The following DUSP10 variants were observed in gnomAD, a reference collection of about 807,000 sequenced individuals.
DUSP10 encodes dual specificity protein phosphatase 10.
DUSP10 carries 14 observed loss-of-function variants against 30.8 expected under a neutral mutation model. The observed-to-expected ratio is 0.46, with a 90% CI of 0.30 to 0.71. The LOEUF (loss-of-function observed/expected upper bound fraction) is 0.71. DUSP10 is among the 30% of genes least tolerant of loss of function. The pLI, the probability that DUSP10 is intolerant of heterozygous loss-of-function variation, is 0.08. For missense variants in DUSP10, 550 were observed against 619.4 expected, an observed-to-expected ratio of 0.89 and a Z score of 1.19; for synonymous variants, 254 against 250.4, an observed-to-expected ratio of 1.01 and a Z score of -0.14.
chr1:221,722,270 CT>C (rs1437726985), intron 2 of DUSP10, among the ~76,000 whole-genome samples: 1 of 152,194 alleles, frequency 6.6e-6, no homozygotes, highest in South Asian at 2.1e-4. Flanking sequence ...CTTGAAGCCT[CT>C]GGTATTCTGG....
In DUSP10 at chr1:221,702,499, C is replaced by T. The variant is rs1341390974; in HGVS notation, c.1362G>A (p.Gln454=). ...IISPNLNFMG[Q]LLEFEEDLNN... ...TTAGGTCTTCCTCGAACTCTAGCAACTGCCCCATGAAGTTAAGGTTTGGGG... is the reference window on the plus strand; with the variant it reads ...TTAGGTCTTCCTCGAACTCTAGCAATTGCCCCATGAAGTTAAGGTTTGGGG... Residue 454 remains glutamine, a synonymous_variant, in exon 4 of 4, where the codon CAG becomes CAA. Coordinates refer to ENST00000366899, the MANE Select transcript of DUSP10 (RefSeq NM_007207.6). This position sits in a 1 kb window ranked among gnomAD's most constrained non-coding sequence, Gnocchi z 4.5. The T allele has an allele frequency of 6.2e-7, 1 of 1,614,202 alleles. No individual in the cohort carries two copies. The highest frequency in any genetic ancestry group is 8.5e-7 in the Non-Finnish European group (1 of 1,180,042).
chr1:221,729,195 G>A (rs916659106), intron 2 of DUSP10, among the ~76,000 whole-genome samples: 2 of 152,202 alleles, frequency 1.3e-5, no homozygotes, highest in Admixed American at 1.3e-4. Context: ...AAACTGTCAT[G>A]ACCAAAATTT....
At chr1:221,737,585 CA>C (rs376440956) in intron 2 of DUSP10, 731 of 481,126 alleles carry the variant, frequency 1.5e-3, no homozygotes, top group Middle Eastern at 3.2e-3. Context: ...TCTCTACATA[CA>C]ATTCTTTCAT....
intron 2 of DUSP10, among the ~76,000 whole-genome samples, chr1:221,735,143 CT>C (rs774014411): frequency 2.6e-5 from 4 of 152,216 alleles, no homozygotes; most frequent in Non-Finnish European, 4.4e-5. Flanking sequence ...ATGGATCATC[CT>C]TTTAAACCAT....
intron 2 of DUSP10, among the ~76,000 whole-genome samples, chr1:221,717,619 A>C (rs1661147148): frequency 6.6e-6 from 1 of 152,112 alleles, no homozygotes; most frequent in South Asian, 2.1e-4. Flanking sequence ...AAACACACAC[A>C]CAAATTCGTA....
At chr1:221,703,966 A>G (rs370045820) in intron 3 of DUSP10, among the ~76,000 whole-genome samples, 103 of 152,334 alleles carry the variant, frequency 6.8e-4, no homozygotes, top group African/African-American at 2.3e-3. Flanking sequence ...CTCTTTTTCA[A>G]CTTTTTCCCT....
chr1:221,734,112 T>G (rs1661695340), intron 2 of DUSP10, among the ~76,000 whole-genome samples: 2 of 152,138 alleles, frequency 1.3e-5, no homozygotes, highest in African/African-American at 4.8e-5. Context: ...CATCTACCCT[T>G]TTATAGTCAG....
At chr1:221,703,835 A>T (rs1660680917) in intron 3 of DUSP10, among the ~76,000 whole-genome samples, 1 of 152,202 alleles carries the variant, frequency 6.6e-6, no homozygotes, top group Non-Finnish European at 1.5e-5. Flanking sequence ...CCTAAACTAC[A>T]TCTACTGGCT....
intron 2 of DUSP10, among the ~76,000 whole-genome samples, chr1:221,729,439 T>C (rs887025900): frequency 6.6e-6 from 1 of 152,184 alleles, no homozygotes. Context: ...TGAAAAGAAT[T>C]TGGGCTTTGA....
At chr1:221,705,599 AC>A (rs1375124003) in intron 3 of DUSP10, among the ~76,000 whole-genome samples, 1 of 152,126 alleles carries the variant, frequency 6.6e-6, no homozygotes, top group East Asian at 1.9e-4. Flanking sequence ...GTCAAAGGAA[AC>A]CTAGTACCAT....
intron 2 of DUSP10, among the ~76,000 whole-genome samples, chr1:221,731,905 C>A (rs114741011): frequency 0.029 from 4,367 of 151,968 alleles, 205 homozygotes; most frequent in African/African-American, 0.098. Context: ...CCACACCCGG[C>A]TGGCTATTTC....
At chr1:221,713,731 T>G (rs1661013085) in intron 2 of DUSP10, among the ~76,000 whole-genome samples, 1 of 152,206 alleles carries the variant, frequency 6.6e-6, no homozygotes. Context: ...TTTAATAGAA[T>G]TTAGGTCCTT....
In DUSP10 at chr1:221,705,970, C is replaced by G. The variant is rs1261677714; in HGVS notation, c.1183+125G>C. ...GCTTAGGCTGTTTCAGGTGGCAGAGCCCTCCAAAACTCCAGGGCAGCTTTT... is the reference window on the plus strand; with the variant it reads ...GCTTAGGCTGTTTCAGGTGGCAGAGGCCTCCAAAACTCCAGGGCAGCTTTT... On this transcript the variant is annotated intron_variant, in intron 3 of 3. Transcript: ENST00000366899. 5.3e-6 allele frequency: 7 copies of G among 1,327,738 alleles called. No homozygotes were observed. In the East Asian group the frequency reaches 1.6e-4, roughly 31 times the overall value. The allele number at this position is 1,327,738 out of a possible 1,614,324, so 82.2% of individuals were successfully genotyped here.
intron 2 of DUSP10, among the ~76,000 whole-genome samples, chr1:221,734,661 T>TCCC (rs1661709639): frequency 6.6e-6 from 1 of 152,066 alleles, no homozygotes; most frequent in Non-Finnish European, 1.5e-5. Context: ...TTCAGTTCCT[T>TCCC]CCCCAAGGGC....
chr1:221,712,875 T>C (rs1217404946), intron 2 of DUSP10, among the ~76,000 whole-genome samples: 1 of 151,250 alleles, frequency 6.6e-6, no homozygotes, highest in Admixed American at 6.6e-5. Flanking sequence ...TATTGAAGTA[T>C]TCTGGGCTAT....
chr1:221,716,774 T>C (rs1025936263), intron 2 of DUSP10, among the ~76,000 whole-genome samples: 5 of 152,214 alleles, frequency 3.3e-5, no homozygotes, highest in Non-Finnish European at 5.9e-5. Flanking sequence ...GTTTTCTTTC[T>C]GGTACGTGTC....
intron 2 of DUSP10, among the ~76,000 whole-genome samples, chr1:221,726,208 A>T (rs1661418641): frequency 1.3e-5 from 2 of 152,208 alleles, no homozygotes; most frequent in Non-Finnish European, 2.9e-5. Context: ...CAAACTGGCA[A>T]CTAGCACCCA....
chr1:221,730,745 CTTTACT>C (rs947268436), intron 2 of DUSP10, among the ~76,000 whole-genome samples: 1 of 152,010 alleles, frequency 6.6e-6, no homozygotes, highest in African/African-American at 2.4e-5. Context: ...AGTTTCTTTT[CTTTACT>C]TTTAAGTTAC....
rs762483248 is a variant in DUSP10, at chr1:221,706,372, C to T, written c.906G>A (p.Ala302=). The part of the protein sequence containing the change: ...ECREVGGGAS[A]ASSLLPQPIP... ...TGGGCTGAGGTAGCAAGCTCGAGGC[C>T]GCGGATGCGCCGCCCCCCACCTCCC... Residue 302 remains alanine (A), a synonymous_variant, in exon 3 of 4, where the codon GCG becomes GCA. Transcript: ENST00000366899. This position sits in a 1 kb window ranked among gnomAD's most constrained non-coding sequence, Gnocchi z 4.6. 3 of 1,591,476 alleles carry T rather than the reference C, an allele frequency of 1.9e-6. No individual in the cohort carries two copies. The highest frequency in any genetic ancestry group is 1.7e-5 in the Admixed American group (1 of 58,590).
Sources: allele counts gnomAD v4.1 joint callset (sites outside exome capture counted in the v4.1 genomes callset), GRCh38; gene constraint gnomAD v4.1.1; non-coding constraint Gnocchi (gnomAD v3.1); transcripts MANE v1.5; gene names NCBI Gene and HGNC (gene_info 2026-07-23, HGNC 2026-07-21).